Variants in CAMTA2 observed in about 807,000 individuals in gnomAD.
CAMTA2 encodes the protein calmodulin-binding transcription activator 2.
Under a neutral mutation model 135.7 loss-of-function variants are expected in CAMTA2, and 56 were observed. That is an observed-to-expected ratio of 0.41 (90% CI 0.33 to 0.52). The LOEUF is 0.52. Ranked by LOEUF, CAMTA2 falls within the 20% of genes least tolerant of loss-of-function variation. CAMTA2 has a pLI of 0.16. For synonymous variants in CAMTA2, 591 were observed against 604.6 expected (o/e 0.98, Z 0.33); for missense variants, 1,358 against 1,553.4 (o/e 0.87, Z 2.11).
chr17:4,972,526 G>A lies in CAMTA2; in HGVS notation c.2514C>T (p.Ser838=), dbSNP rs372446750. Residue 838 remains serine, a synonymous_variant, in exon 16 of 23, where the codon AGC becomes AGT. Transcript: ENST00000348066. Reference sequence around the variant, plus strand: ...CCGACAGCTCCGAGGGCGAGGAGACGCTGCTCAGACCTGTGTGGGGAGGGA... The same window carrying A: ...CCGACAGCTCCGAGGGCGAGGAGACACTGCTCAGACCTGTGTGGGGAGGGA... The part of the protein sequence containing the change: ...PSSSPDTGLS[S]VSSPSELSDG... The A allele has an allele frequency of 1.3e-4, 210 of 1,604,118 alleles. 1 individual carries two copies. The highest frequency in any genetic ancestry group is 1.2e-3 in the Middle Eastern group (7 of 5,886).
intron 8 of CAMTA2, 56 bp downstream of exon 8, chr17:4,981,169 C>T (rs1013624439): frequency 1.7e-5 from 27 of 1,591,844 alleles, no homozygotes; most frequent in South Asian, 2.3e-5. Context: ...CCCTGGCTTG[C>T]GTAAGAGCAG....
chr17:4,979,832 T>C lies in CAMTA2; in HGVS notation c.1490A>G (p.Glu497Gly), dbSNP rs777016816. The C allele has an allele frequency of 6.2e-7, 1 of 1,611,880 alleles. No homozygotes were observed. The highest frequency in any genetic ancestry group is 8.5e-7 in the Non-Finnish European group (1 of 1,179,522). ...TGATGAAAGACTGAAGGGCTCCAGTTCACTGGCCCCAACAGGTCCTCCAAA... is the reference window on the plus strand; with the variant it reads ...TGATGAAAGACTGAAGGGCTCCAGTCCACTGGCCCCAACAGGTCCTCCAAA... ...ALFGGPVGAS[E>G]LEPFSLSSFP... The change falls in exon 9 of 23, where the codon GAA (glutamate) becomes GGA (glycine). Residue 497 changes from glutamate (E) to glycine (G), a missense_variant. By Grantham distance (98) the Glu-to-Gly change is moderately conservative. Transcript: ENST00000348066.
intron 12 of CAMTA2, 152 bp from the exon 13 acceptor site, chr17:4,973,921 T>C: frequency 1.6e-6 from 1 of 641,150 alleles, no homozygotes; most frequent in Non-Finnish European, 2.6e-6. Context: ...AGTTCCTCTG[T>C]GGCCTGTGTC....
At chr17:4,981,434 C>T in intron 7 of CAMTA2, 75 bp from the exon 8 acceptor site, 1 of 1,570,060 alleles carries the variant, frequency 6.4e-7, no homozygotes, top group Non-Finnish European at 8.7e-7. Flanking sequence ...CTCCTCCAAG[C>T]ACCTGACATG....
chr17:4,970,079 C>T lies in CAMTA2; in HGVS notation c.3012G>A (p.Leu1004=), dbSNP rs1208035062. The part of the protein sequence containing the change: ...HFPSSTPPSE[L]PFERGRLAVP... ...CAGCCAGGCGACCTCGCTCAAAGGG[C>T]AGTTCGCTGTAGGCGGTAGGGAAAG... is the stretch of plus-strand genomic sequence containing the variant. Residue 1004 remains leucine, a synonymous_variant, in exon 18 of 23, where the codon CTG becomes CTA. Transcript: ENST00000348066. 8.1e-6 allele frequency: 13 copies of T among 1,613,808 alleles called. No individual in the cohort carries two copies. Among genetic ancestry groups the T allele is most frequent in the Admixed American group, 3.3e-5 (2 of 60,016 alleles).
In CAMTA2 at chr17:4,982,979, G is replaced by A; in HGVS notation, c.200C>T (p.Thr67Ile). ...CCATGTTCTCAAACTTTCTCACCTT[G>A]TCTTTGGGGCACAAGACAGCCACTC... ...HDEWLSCAPK[T>I]RPQNGSIILY... The change falls in exon 4 of 23, where the codon ACA becomes ATA. Residue 67 changes from threonine to isoleucine, a missense_variant. Around this residue, in one of 4 missense-constraint regions of CAMTA2, gnomAD observed 105 missense variants for 190.9 expected, o/e 0.55. Coordinates refer to ENST00000348066, the MANE Select transcript of CAMTA2 (RefSeq NM_015099.4). 6.2e-7 allele frequency: 1 copy of A among 1,614,166 alleles called. No homozygotes were observed. Among genetic ancestry groups the A allele is most frequent in the South Asian group, 1.1e-5 (1 of 91,084 alleles).
chr17:4,968,784 C>A lies in CAMTA2; in HGVS notation c.3581G>T (p.Gly1194Val). 6.2e-7 allele frequency: 1 copy of A among 1,614,142 alleles called. No homozygotes were observed. Among genetic ancestry groups the A allele is most frequent in the Non-Finnish European group, 8.5e-7 (1 of 1,180,030 alleles). The change falls in exon 23 of 23, where the codon GGG becomes GTG. Residue 1194 changes from glycine to valine, a missense_variant. Transcript: ENST00000348066. The part of the protein sequence containing the change: ...RELKQNQELE[G>V]LPQPGLAT ...TGTGGCCAGTCCCGGCTGGGGAAGC[C>A]CTTCCAGCTCCTGGTTCTGCTTCAG...
intron 12 of CAMTA2, 59 bp from the exon 13 acceptor site, chr17:4,973,828 G>A: frequency 6.8e-7 from 1 of 1,460,718 alleles, no homozygotes. Context: ...GCTTGAGGTG[G>A]CCTTGGCCAC....
At position 4,978,573 on chromosome 17, in the gene CAMTA2, A is replaced by T; in HGVS notation, c.1696T>A (p.Cys566Ser). 6.2e-7 allele frequency: 1 copy of T among 1,614,186 alleles called. No homozygotes were observed. The highest frequency in any genetic ancestry group is 8.5e-7 in the Non-Finnish European group (1 of 1,179,980). ...PWTEAAEHYS[C>S]VFDHIAVPAS... ...GGCACTGCGATGTGATCAAAGACAC[A>T]GGAGTAATGCTCGGCGGCTTCGGTC... Residue 566 changes from cysteine to serine, a missense_variant, in exon 10 of 23, where the codon TGT becomes AGT. Coordinates refer to ENST00000348066, the MANE Select transcript of CAMTA2 (RefSeq NM_015099.4).
rs1972139698 is a variant in CAMTA2, at chr17:4,969,679, T to C, written c.3212A>G (p.Gln1071Arg). Residue 1071 changes from glutamine to arginine, a missense_variant, in exon 19 of 23, where the codon CAG (glutamine) becomes CGG (arginine). Physicochemically the swap from Gln to Arg is conservative, Grantham distance 43 (BLOSUM62 1). Around this residue, in one of 4 missense-constraint regions of CAMTA2, gnomAD observed 167 missense variants for 207.0 expected, o/e 0.81. Transcript: ENST00000348066. This position sits in a 1 kb window ranked among gnomAD's most constrained non-coding sequence, Gnocchi z 5.6. ...KYKGRRLKEQ[Q>R]EVAAAVIQRC... ...CTGGATTACAGCTGCTGCTACCTCC[T>C]GCTGCTCCTTCAGCCGCCGGCCCTG... The C allele has an allele frequency of 6.2e-7, 1 of 1,614,016 alleles. No homozygotes were observed. Among genetic ancestry groups the C allele is most frequent in the Non-Finnish European group, 8.5e-7 (1 of 1,180,030 alleles).
In CAMTA2 at chr17:4,969,581, TGTGGGTTG is replaced by T; in HGVS notation, c.3261+41_3261+48del. 1.2e-6 allele frequency: 2 copies of T among 1,613,646 alleles called. No individual in the cohort carries two copies. Among genetic ancestry groups the T allele is most frequent in the Middle Eastern group, 1.6e-4 (1 of 6,062 alleles). ...ACATTCTGGAATGGTTAGGCGTGGG[TGTGGGTTG>T]GTGGGTTGCTGGTTACACTTTTGAG... On this transcript the variant is annotated intron_variant, in intron 19 of 22. Coordinates refer to ENST00000348066, the MANE Select transcript of CAMTA2 (RefSeq NM_015099.4). This position sits in a 1 kb window ranked among gnomAD's most constrained non-coding sequence, Gnocchi z 5.6.
At chr17:4,982,223 AG>A (rs749752003) in intron 5 of CAMTA2, 63 bp from the exon 6 acceptor site, 1 of 1,137,294 alleles carries the variant, frequency 8.8e-7, no homozygotes, top group Non-Finnish European at 1.3e-6. Context: ...TCCTCTGTTC[AG>A]TCCCTTTGCA....
chr17:4,968,297 G>A lies in CAMTA2; in HGVS notation c.*459C>T, dbSNP rs930719992. On this transcript the variant is annotated 3_prime_UTR_variant, in exon 23 of 23. Transcript: ENST00000348066. ...ATGGGGTAAGACAGGGCCAGAGAGGGAGGAAACAGACGCAAACATGCGGAG... is the reference window on the plus strand; with the variant it reads ...ATGGGGTAAGACAGGGCCAGAGAGGAAGGAAACAGACGCAAACATGCGGAG... The A allele has an allele frequency of 3.6e-5, 10 of 276,950 alleles. No individual in the cohort carries two copies. The highest frequency in any genetic ancestry group is 3.5e-4 in the East Asian group (4 of 11,486). 17.2% of individuals were successfully genotyped at this position (276,950 alleles called of 1,614,324 possible).
rs777122887 is a variant in CAMTA2, at chr17:4,972,551, AAG to A, written c.2504-17_2504-16del. 2 of 1,597,634 alleles carry A rather than the reference AAG, an allele frequency of 1.3e-6. No homozygotes were observed. Among genetic ancestry groups the A allele is most frequent in the Non-Finnish European group, 1.7e-6 (2 of 1,173,102 alleles). ...GCTGCTCAGACCTGTGTGGGGAGGG[AAG>A]AGAGTGAGGGCAGCCGGAGCCACGG... On this transcript the variant is annotated splice_polypyrimidine_tract_variant and intron_variant, in intron 15 of 22. Coordinates refer to ENST00000348066, the MANE Select transcript of CAMTA2 (RefSeq NM_015099.4).
chr17:4,970,527 T>C lies in CAMTA2; in HGVS notation c.2818A>G (p.Ile940Val). ...TCGATGATCTGCTTGGCTAGTGAGA[T>C]CATGTCCACCTGGAAGAAGGGAGAA... The part of the protein sequence containing the change: ...QAVDVIPVDM[I>V]SLAKQIIEAT... The change falls in exon 17 of 23, where the codon ATC (isoleucine) becomes GTC (valine). Residue 940 changes from isoleucine to valine, a missense_variant. Transcript: ENST00000348066. 1 of 1,610,038 alleles carries C rather than the reference T, an allele frequency of 6.2e-7. No homozygotes were observed. The highest frequency in any genetic ancestry group is 8.5e-7 in the Non-Finnish European group (1 of 1,179,690).
At chr17:4,971,169 T>C (rs1331824054) in intron 16 of CAMTA2, among the ~76,000 whole-genome samples, 1 of 152,196 alleles carries the variant, frequency 6.6e-6, no homozygotes, top group South Asian at 2.1e-4. Flanking sequence ...CACAAGACTT[T>C]CTTAGCTTTA....
In CAMTA2 at chr17:4,972,530, C is replaced by T. The variant is rs1308690265; in HGVS notation, c.2510G>A (p.Ser837Asn). 1 of 1,603,398 alleles carries T rather than the reference C, an allele frequency of 6.2e-7. No homozygotes were observed. The highest frequency in any genetic ancestry group is 8.5e-7 in the Non-Finnish European group (1 of 1,175,726). ...CAGCTCCGAGGGCGAGGAGACGCTGCTCAGACCTGTGTGGGGAGGGAAGAG... is the reference window on the plus strand; with the variant it reads ...CAGCTCCGAGGGCGAGGAGACGCTGTTCAGACCTGTGTGGGGAGGGAAGAG... ...PPSSSPDTGL[S>N]SVSSPSELSD... Residue 837 changes from serine (S) to asparagine (N), a missense_variant, in exon 16 of 23, where the codon AGC becomes AAC. By Grantham distance (46) the Ser-to-Asn change is conservative. This residue lies in a region of CAMTA2 where 1,077 missense variants were observed against 1,127.5 expected (regional missense o/e 0.96). Transcript: ENST00000348066.
chr17:4,984,705 GC>G (rs1973156746), intron 3 of CAMTA2, among the ~76,000 whole-genome samples: 2 of 152,320 alleles, frequency 1.3e-5, no homozygotes, highest in East Asian at 3.9e-4. Flanking sequence ...TCCAGAAAGA[GC>G]CAGTATCAGT....
chr17:4,982,901 G>A lies in CAMTA2; in HGVS notation c.204-9C>T. On this transcript the variant is annotated splice_polypyrimidine_tract_variant and intron_variant, in intron 4 of 22. Coordinates refer to ENST00000348066, the MANE Select transcript of CAMTA2 (RefSeq NM_015099.4). ...TGGAGCCATTCTGAGGCCTGGGAAGGGAAGGGTTGCCCTGGAGTTCTGTGA... is the reference window on the plus strand; with the variant it reads ...TGGAGCCATTCTGAGGCCTGGGAAGAGAAGGGTTGCCCTGGAGTTCTGTGA... 1.2e-6 allele frequency: 2 copies of A among 1,614,184 alleles called. No homozygotes were observed. Among genetic ancestry groups the A allele is most frequent in the South Asian group, 2.2e-5 (2 of 91,082 alleles).
Sources: allele counts gnomAD v4.1 joint callset (sites outside exome capture counted in the v4.1 genomes callset), GRCh38; gene constraint gnomAD v4.1.1; regional missense constraint gnomAD v4.1.1; non-coding constraint Gnocchi (gnomAD v3.1); transcripts MANE v1.5; gene names NCBI Gene and HGNC (gene_info 2026-07-23, HGNC 2026-07-21).